The following CCSER1 variants were observed in gnomAD, a reference collection of about 807,000 sequenced individuals.
The protein encoded by CCSER1 is coiled-coil serine rich protein 1.
In CCSER1, 41 loss-of-function variants were observed where a neutral mutation model predicts 82.0. The observed-to-expected ratio is 0.50, with a 90% CI of 0.39 to 0.65. The LOEUF (loss-of-function observed/expected upper bound fraction) is 0.65. CCSER1 is among the 30% of genes least tolerant of loss of function. CCSER1 has a pLI of 0.00. For missense variants in CCSER1, 1,119 were observed against 1,064.2 expected, an observed-to-expected ratio of 1.05 and a Z score of -0.72; for synonymous variants, 414 against 383.9, an observed-to-expected ratio of 1.08 and a Z score of -0.92.
chr4:91,341,692 C>G (rs1170507263), intron 10 of CCSER1, among the ~76,000 whole-genome samples: 2 of 152,182 alleles, frequency 1.3e-5, no homozygotes, highest in Non-Finnish European at 2.9e-5. Context: ...CAGACATGCA[C>G]TACCACCCCT....
intron 6 of CCSER1, among the ~76,000 whole-genome samples, chr4:90,630,296 T>C (rs1230307927): frequency 6.6e-6 from 1 of 152,212 alleles, no homozygotes; most frequent in Non-Finnish European, 1.5e-5. Flanking sequence ...TTCAGCTTTT[T>C]ACCTCTGTTT....
chr4:91,038,018 A>G (rs766742708), intron 9 of CCSER1, among the ~76,000 whole-genome samples: 47 of 152,282 alleles, frequency 3.1e-4, no homozygotes, highest in African/African-American at 1.1e-3. Context: ...AAATGAATAT[A>G]TTTCAATACT....
At chr4:91,259,226 T>C (rs997918509) in intron 10 of CCSER1, among the ~76,000 whole-genome samples, 4 of 152,142 alleles carry the variant, frequency 2.6e-5, no homozygotes, top group African/African-American at 9.7e-5. Flanking sequence ...ATTCAGGGGA[T>C]TTAGCAGATT....
chr4:91,162,972 C>T (rs964923763), intron 10 of CCSER1, among the ~76,000 whole-genome samples: 1 of 151,982 alleles, frequency 6.6e-6, no homozygotes, highest in Non-Finnish European at 1.5e-5. Context: ...GCCTTCTGCT[C>T]GCTTTTGAAT....
intron 8 of CCSER1, among the ~76,000 whole-genome samples, chr4:90,845,025 T>C (rs13132666): frequency 0.57 from 85,997 of 151,974 alleles, 24,838 homozygotes; most frequent in Non-Finnish European, 0.63. Context: ...TGGATTTGAC[T>C]TGTGGACTTT....
intron 10 of CCSER1, among the ~76,000 whole-genome samples, chr4:91,299,534 G>T (rs1744494453): frequency 6.6e-6 from 1 of 151,380 alleles, no homozygotes; most frequent in South Asian, 2.1e-4. Flanking sequence ...CCCTTTTTTT[G>T]CAGATGAAAA....
intron 10 of CCSER1, among the ~76,000 whole-genome samples, chr4:91,128,309 G>A (rs981713420): frequency 1.3e-5 from 2 of 151,958 alleles, no homozygotes; most frequent in Admixed American, 6.6e-5. Context: ...CTCATTCCAA[G>A]TGGTTATTAC....
In CCSER1 at chr4:90,590,329, C is replaced by T. The variant is rs527581740; in HGVS notation, c.1725-37696C>T. On this transcript the variant is annotated intron_variant, in intron 5 of 10. Transcript: ENST00000509176. ...GTACGGTGTCTCATGCCTGTAATCC[C>T]AGCACTTTGGGAGGCCAAGGTGGGC... Among the ~76,000 whole-genome samples, 74 of 152,032 alleles carry T rather than the reference C, an allele frequency of 4.9e-4. 1 individual carries two copies. Among genetic ancestry groups the T allele is most frequent in the Non-Finnish European group, 1.6e-4 (11 of 67,996 alleles).
chr4:90,402,655 A>G (rs1753046025), intron 4 of CCSER1, among the ~76,000 whole-genome samples: 1 of 152,212 alleles, frequency 6.6e-6, no homozygotes, highest in Non-Finnish European at 1.5e-5. Flanking sequence ...ATTAGAAAAC[A>G]CTACAGTTAA....
intron 8 of CCSER1, among the ~76,000 whole-genome samples, chr4:90,916,055 G>A (rs939611265): frequency 1.3e-5 from 2 of 152,094 alleles, no homozygotes; most frequent in African/African-American, 2.4e-5. Context: ...CTCATGGATA[G>A]GAAGAATCAA....
chr4:90,329,717 G>A (rs1738928081), intron 3 of CCSER1, among the ~76,000 whole-genome samples: 1 of 152,076 alleles, frequency 6.6e-6, no homozygotes, highest in Admixed American at 6.5e-5. Flanking sequence ...CTTAAGATTT[G>A]AATGCTATGA....
intron 1 of CCSER1, among the ~76,000 whole-genome samples, chr4:90,133,905 T>G (rs1723220078): frequency 6.6e-6 from 1 of 152,244 alleles, no homozygotes; most frequent in Non-Finnish European, 1.5e-5. Context: ...TAACTGAGCT[T>G]CTTTGCCTTC....
intron 3 of CCSER1, among the ~76,000 whole-genome samples, chr4:90,394,538 C>T (rs1301123512): frequency 6.6e-6 from 1 of 152,092 alleles, no homozygotes; most frequent in Non-Finnish European, 1.5e-5. Flanking sequence ...ATTAGCATTT[C>T]CTTACAGTTA....
chr4:90,213,294 A>G (rs990385266), intron 1 of CCSER1, among the ~76,000 whole-genome samples: 1 of 152,074 alleles, frequency 6.6e-6, no homozygotes, highest in Non-Finnish European at 1.5e-5. Flanking sequence ...TGGAATTGCC[A>G]TTTTCTGAGA....
intron 10 of CCSER1, among the ~76,000 whole-genome samples, chr4:91,503,090 C>G (rs1174228699): frequency 6.6e-6 from 1 of 152,058 alleles, no homozygotes; most frequent in African/African-American, 2.4e-5. Flanking sequence ...CGCCTGTAAT[C>G]CCAGCACTTT....
intron 7 of CCSER1, among the ~76,000 whole-genome samples, chr4:90,760,303 A>C (rs1394034830): frequency 6.6e-6 from 1 of 151,954 alleles, no homozygotes; most frequent in Non-Finnish European, 1.5e-5. Context: ...TGAATTAATG[A>C]CACTATTAAT....
At chr4:91,335,721 T>C (rs974690804) in intron 10 of CCSER1, among the ~76,000 whole-genome samples, 4 of 152,044 alleles carry the variant, frequency 2.6e-5, no homozygotes, top group African/African-American at 7.2e-5. Flanking sequence ...AGATACAGCA[T>C]TGGGGCAGTC....
chr4:91,525,648 C>G (rs890481453), intron 10 of CCSER1, among the ~76,000 whole-genome samples: 2 of 152,090 alleles, frequency 1.3e-5, no homozygotes, highest in Non-Finnish European at 2.9e-5. Flanking sequence ...CTCAGATACC[C>G]CCTCCTGTCA....
chr4:91,405,032 G>C (rs551546393), intron 10 of CCSER1, among the ~76,000 whole-genome samples: 3 of 152,148 alleles, frequency 2.0e-5, no homozygotes, highest in African/African-American at 7.2e-5. Context: ...GGGAGTGTAA[G>C]TCTCTTTGTA....
Sources: gnomAD v4.1 joint callset for allele counts (sites outside exome capture counted in the v4.1 genomes callset) on GRCh38, gnomAD v4.1.1 for gene constraint, MANE v1.5 for transcripts, NCBI Gene and HGNC (gene_info 2026-07-23, HGNC 2026-07-21) for gene names.